NOVA1: variants seen among roughly 807,000 people sequenced by gnomAD.
The protein encoded by NOVA1 is RNA-binding protein Nova-1.
NOVA1 carries 7 observed loss-of-function variants against 38.0 expected under a neutral mutation model. The observed-to-expected ratio is 0.18, with a 90% confidence interval of 0.10 to 0.35. The LOEUF (loss-of-function observed/expected upper bound fraction) is 0.35. Ranked by LOEUF, NOVA1 falls within the 10% of genes least tolerant of loss-of-function variation. NOVA1 has a pLI of 1.00. For synonymous variants in NOVA1, 270 were observed against 232.5 expected, an observed-to-expected ratio of 1.16 and a Z score of -1.47; for missense variants, 460 against 616.0, an observed-to-expected ratio of 0.75 and a Z score of 2.68.
chr14:26,548,877 C>A (rs1420969308), intron 2 of NOVA1, among the ~76,000 whole-genome samples: 2 of 151,716 alleles, frequency 1.3e-5, no homozygotes, highest in Non-Finnish European at 2.9e-5. Flanking sequence ...GAGACCAAGG[C>A]AGGAGGATCG....
intron 2 of NOVA1, among the ~76,000 whole-genome samples, chr14:26,572,457 G>A (rs28671680): frequency 0.021 from 3,228 of 152,096 alleles, 109 homozygotes; most frequent in African/African-American, 0.074. Context: ...ATTCATATAC[G>A]CAGTACATAC....
intron 2 of NOVA1, among the ~76,000 whole-genome samples, chr14:26,533,812 T>C (rs1190052416): frequency 1.3e-5 from 2 of 152,166 alleles, no homozygotes; most frequent in Non-Finnish European, 2.9e-5. Flanking sequence ...ATAGCAGGTA[T>C]GCAACAAATA....
chr14:26,530,723 A>G (rs1165764083), intron 2 of NOVA1, among the ~76,000 whole-genome samples: 4 of 152,146 alleles, frequency 2.6e-5, no homozygotes, highest in African/African-American at 9.7e-5. Flanking sequence ...ATTAACAATT[A>G]AGTTTCTTAT....
At chr14:26,480,180 C>T (rs1448044998) in intron 2 of NOVA1, 37 bp from the exon 3 acceptor site, 1 of 1,550,212 alleles carries the variant, frequency 6.5e-7, no homozygotes, top group Non-Finnish European at 8.7e-7. Flanking sequence ...AAATATTCCA[C>T]ACTTTGCATT....
At chr14:26,578,169 G>A (rs1892980496) in intron 2 of NOVA1, among the ~76,000 whole-genome samples, 1 of 152,060 alleles carries the variant, frequency 6.6e-6, no homozygotes, top group Admixed American at 6.6e-5. Context: ...AAGTATAGAA[G>A]CTACCAGTGA....
chr14:26,512,870 C>G (rs1385788667), intron 2 of NOVA1, among the ~76,000 whole-genome samples: 2 of 151,960 alleles, frequency 1.3e-5, no homozygotes, highest in African/African-American at 4.8e-5. Flanking sequence ...AATATAGTCA[C>G]CTCATGTTCA....
chr14:26,507,285 AT>A (rs1422250645), intron 2 of NOVA1, among the ~76,000 whole-genome samples: 18 of 151,564 alleles, frequency 1.2e-4, no homozygotes, highest in Middle Eastern at 3.4e-3. Context: ...AAAAAAAAAA[AT>A]AATGTCAAAA....
intron 2 of NOVA1, among the ~76,000 whole-genome samples, chr14:26,509,913 C>T (rs1339213327): frequency 6.6e-6 from 1 of 152,108 alleles, no homozygotes; most frequent in African/African-American, 2.4e-5. Flanking sequence ...CTCCTGACCT[C>T]GGGTGATATG....
intron 2 of NOVA1, among the ~76,000 whole-genome samples, chr14:26,524,017 C>T (rs1265956773): frequency 1.3e-5 from 2 of 152,098 alleles, no homozygotes; most frequent in Non-Finnish European, 2.9e-5. Flanking sequence ...TCCCAAAGTG[C>T]TCCAATTATA....
intron 3 of NOVA1, chr14:26,479,449 C>T (rs1566460386): frequency 1.3e-5 from 2 of 152,040 alleles, no homozygotes; most frequent in Non-Finnish European, 2.9e-5. Flanking sequence ...ATAAGTTACA[C>T]AAAACACAGT....
chr14:26,499,903 T>C (rs565592320), intron 2 of NOVA1, among the ~76,000 whole-genome samples: 2 of 152,250 alleles, frequency 1.3e-5, no homozygotes, highest in South Asian at 4.1e-4. Context: ...ATACTATAAA[T>C]ACTATAAAAC....
intron 2 of NOVA1, among the ~76,000 whole-genome samples, chr14:26,491,190 G>T (rs972720010): frequency 2.6e-5 from 4 of 151,334 alleles, no homozygotes; most frequent in African/African-American, 9.7e-5. Flanking sequence ...AATTTTTTTT[G>T]AGATGGGGTC....
At chr14:26,456,473 T>C (rs1883186491) in intron 4 of NOVA1, among the ~76,000 whole-genome samples, 1 of 152,026 alleles carries the variant, frequency 6.6e-6, no homozygotes, top group Admixed American at 6.6e-5. Context: ...AATTGTTAAA[T>C]AATGAAAATT....
chr14:26,550,553 T>G (rs1328886986), intron 2 of NOVA1, among the ~76,000 whole-genome samples: 1 of 152,136 alleles, frequency 6.6e-6, no homozygotes, highest in Non-Finnish European at 1.5e-5. Context: ...TACAACAACC[T>G]GTCCACACAA....
intron 4 of NOVA1, among the ~76,000 whole-genome samples, chr14:26,464,223 TC>T (rs1883935503): frequency 6.6e-6 from 1 of 152,186 alleles, no homozygotes; most frequent in Admixed American, 6.6e-5. Flanking sequence ...TATATGGTGG[TC>T]CCATGAGATT....
chr14:26,462,301 T>G (rs951469426), intron 4 of NOVA1, among the ~76,000 whole-genome samples: 2 of 152,126 alleles, frequency 1.3e-5, no homozygotes, highest in African/African-American at 4.8e-5. Context: ...TTTAGTATTT[T>G]TCAAATCACA....
chr14:26,474,944 G>A (rs752576205), intron 3 of NOVA1, among the ~76,000 whole-genome samples: 9 of 151,784 alleles, frequency 5.9e-5, no homozygotes, highest in South Asian at 4.1e-4. Flanking sequence ...AAATACCCTC[G>A]AAAGTTTCCT....
At chr14:26,596,190 T>C in intron 1 of NOVA1, 1 of 234,374 alleles carries the variant, frequency 4.3e-6, no homozygotes, top group Non-Finnish European at 8.6e-6. Flanking sequence ...TGCATTTCTT[T>C]AGCACTTCTT....
chr14:26,567,836 A>G (rs946266999), intron 2 of NOVA1, among the ~76,000 whole-genome samples: 3 of 152,196 alleles, frequency 2.0e-5, no homozygotes, highest in Non-Finnish European at 2.9e-5. Flanking sequence ...TTATGCTTTT[A>G]AAAAATAGTT....
Sources: gnomAD v4.1 joint callset for allele counts (sites outside exome capture counted in the v4.1 genomes callset) on GRCh38, gnomAD v4.1.1 for gene constraint, MANE v1.5 for transcripts, NCBI Gene and HGNC (gene_info 2026-07-23, HGNC 2026-07-21) for gene names.